CTCF: variants seen among roughly 807,000 people sequenced by gnomAD.
The protein encoded by CTCF is CCCTC-binding factor.
Under a neutral mutation model 72.3 loss-of-function variants are expected in CTCF, and 7 were observed. The ratio of observed to expected loss-of-function variants is 0.10; its 90% CI spans 0.06 to 0.18. CTCF has a LOEUF of 0.18. Among genes scored for constraint, CTCF ranks in the 10% least tolerant of loss-of-function variants. The pLI, the probability that CTCF is intolerant of heterozygous loss-of-function variation, is 1.00. For missense variants in CTCF, 516 were observed against 949.1 expected, an observed-to-expected ratio of 0.54 and a Z score of 6.00; for synonymous variants, 374 against 315.8, an observed-to-expected ratio of 1.18 and a Z score of -1.95.
intron 2 of CTCF, among the ~76,000 whole-genome samples, chr16:67,602,822 CAA>C (rs374252847): frequency 2.1e-3 from 190 of 92,666 alleles, no homozygotes; most frequent in South Asian, 0.016. Context: ...GCCTAGGCAA[CAA>C]GAGTGAAACT....
At chr16:67,608,778 C>G (rs1332692361) in intron 2 of CTCF, among the ~76,000 whole-genome samples, 1 of 151,360 alleles carries the variant, frequency 6.6e-6, no homozygotes. Flanking sequence ...TTCTTGTTGC[C>G]CAGGCTGCAC....
chr16:67,603,974 CAAA>C (rs921068208), intron 2 of CTCF, among the ~76,000 whole-genome samples: 13 of 149,932 alleles, frequency 8.7e-5, no homozygotes, highest in African/African-American at 2.9e-4. Flanking sequence ...ACTAAAAATA[CAAA>C]AAAATTAGCC....
intron 10 of CTCF, among the ~76,000 whole-genome samples, chr16:67,629,742 T>C (rs12920424): frequency 7.1e-6 from 1 of 140,034 alleles, no homozygotes; most frequent in East Asian, 2.1e-4. Flanking sequence ...CGCTCATTAA[T>C]GCCCTTTTTT....
chr16:67,599,548 C>T (rs2051859986), intron 2 of CTCF, among the ~76,000 whole-genome samples: 1 of 152,162 alleles, frequency 6.6e-6, no homozygotes, highest in Non-Finnish European at 1.5e-5. Flanking sequence ...TGCCAGTTTT[C>T]CTTCCTTTTA....
chr16:67,632,457 CCAGA>C (rs1567618089), intron 10 of CTCF, among the ~76,000 whole-genome samples: 1 of 152,196 alleles, frequency 6.6e-6, no homozygotes, highest in Non-Finnish European at 1.5e-5. Flanking sequence ...TTTATCTCCC[CCAGA>C]AAAGGGACGT....
intron 2 of CTCF, among the ~76,000 whole-genome samples, chr16:67,583,293 T>C (rs760639305): frequency 6.6e-6 from 1 of 152,106 alleles, no homozygotes; most frequent in Non-Finnish European, 1.5e-5. Flanking sequence ...AGCCTACTTC[T>C]TATTTTGAAA....
intron 6 of CTCF, chr16:67,621,201 G>A (rs1307847091): frequency 2.1e-5 from 9 of 421,360 alleles, no homozygotes; most frequent in African/African-American, 3.9e-5. Context: ...CCAAAGGTAA[G>A]CATTGCTGTA....
At chr16:67,582,166 G>C (rs1027915257) in intron 2 of CTCF, among the ~76,000 whole-genome samples, 1 of 150,988 alleles carries the variant, frequency 6.6e-6, no homozygotes, top group Non-Finnish European at 1.5e-5. Flanking sequence ...AGCCGAGATC[G>C]TGCCACTGCA....
chr16:67,636,583 A>G, intron 10 of CTCF, 107 bp from the exon 11 acceptor site: 1 of 335,780 alleles, frequency 3.0e-6, no homozygotes, highest in Non-Finnish European at 4.8e-6. Context: ...ATATATATAT[A>G]TATATATTTA....
intron 10 of CTCF, among the ~76,000 whole-genome samples, chr16:67,631,690 C>T (rs1383394665): frequency 1.7e-5 from 2 of 117,548 alleles, no homozygotes; most frequent in Admixed American, 9.1e-5. Context: ...ACCCCCCCCC[C>T]CTTTTTTTTT....
intron 7 of CTCF, among the ~76,000 whole-genome samples, chr16:67,624,933 C>A (rs2052262646): frequency 6.6e-6 from 1 of 151,194 alleles, no homozygotes; most frequent in South Asian, 2.1e-4. Flanking sequence ...TGCTTGTGTG[C>A]TTTGTGTGAG....
chr16:67,596,120 A>C (rs571612888), intron 2 of CTCF, among the ~76,000 whole-genome samples: 9 of 151,902 alleles, frequency 5.9e-5, no homozygotes, highest in African/African-American at 2.2e-4. Context: ...TGCCCAGCTA[A>C]TTTTTGTATT....
intron 2 of CTCF, among the ~76,000 whole-genome samples, chr16:67,604,710 C>G (rs1240251224): frequency 6.9e-6 from 1 of 144,606 alleles, no homozygotes; most frequent in East Asian, 2.0e-4. Context: ...AAATAGATTA[C>G]TAAAATTAAT....
rs1228470917 is a variant in CTCF at position 67,600,797 on chromosome 16, C to T, written c.-9-10027C>T. On this transcript the variant is annotated intron_variant, in intron 2 of 11. Transcript: ENST00000264010. ...TTTAACTGAATAGCTGAGAAAACAGCATCAGAATATTAGGTGATTTTCGTA... is the reference window on the plus strand; with the variant it reads ...TTTAACTGAATAGCTGAGAAAACAGTATCAGAATATTAGGTGATTTTCGTA... 2.0e-5 allele frequency among the ~76,000 whole-genome samples: 3 copies of T among 151,864 alleles called. No individual in the cohort carries two copies. In the East Asian group the frequency reaches 5.8e-4, roughly 29 times the overall value.
intron 2 of CTCF, among the ~76,000 whole-genome samples, chr16:67,610,281 C>T (rs1475580412): frequency 6.6e-6 from 1 of 150,964 alleles, no homozygotes; most frequent in Non-Finnish European, 1.5e-5. Flanking sequence ...GATCTAGAGA[C>T]TTGATTGGTT....
rs780529768 is a variant in CTCF, at chr16:67,626,757, C to T, written c.1518+42C>T. 8.9e-6 allele frequency: 12 copies of T among 1,354,710 alleles called. No homozygotes were observed. The Admixed American group carries it at 1.9e-4, about 22-fold the overall frequency. The allele number at this position is 1,354,710 out of a possible 1,614,324, so 83.9% of individuals were successfully genotyped here. On this transcript the variant is annotated intron_variant, in intron 8 of 11. Transcript: ENST00000264010. ...AAAGTTGTTGGTGCTTTCTCGGTGTCTGGTGTTATCAGAGGGCATTTACAT... is the reference window on the plus strand; with the variant it reads ...AAAGTTGTTGGTGCTTTCTCGGTGTTTGGTGTTATCAGAGGGCATTTACAT...
intron 11 of CTCF, 84 bp downstream of exon 11, chr16:67,636,935 G>A (rs1253152266): frequency 8.1e-7 from 1 of 1,241,804 alleles, no homozygotes; most frequent in Non-Finnish European, 1.1e-6. Context: ...CTTTGGGGAT[G>A]TGGGAACTAA....
intron 5 of CTCF, among the ~76,000 whole-genome samples, chr16:67,618,075 C>T (rs1307497384): frequency 2.0e-5 from 3 of 152,066 alleles, no homozygotes; most frequent in Non-Finnish European, 4.4e-5. Flanking sequence ...TGTTTAATGT[C>T]CTAGCAAGTT....
At chr16:67,636,497 G>A (rs1183147196) in intron 10 of CTCF, among the ~76,000 whole-genome samples, 193 bp from the exon 11 acceptor site, 5 of 148,122 alleles carry the variant, frequency 3.4e-5, no homozygotes, top group Admixed American at 6.7e-5. Context: ...GCAGTGAGCC[G>A]AGATCGCGCC....
Sources: allele counts gnomAD v4.1 joint callset (sites outside exome capture counted in the v4.1 genomes callset), GRCh38; gene constraint gnomAD v4.1.1; transcripts MANE v1.5; gene names NCBI Gene and HGNC (gene_info 2026-07-23, HGNC 2026-07-21).